CDC14A: variants seen among roughly 807,000 people sequenced by gnomAD.
The protein encoded by CDC14A is cell division cycle 14A, also known as dual specificity protein phosphatase CDC14A.
In CDC14A, 53 loss-of-function variants were observed where a neutral mutation model predicts 74.4. The observed-to-expected ratio is 0.71, with a 90% confidence interval of 0.57 to 0.89. CDC14A has a LOEUF of 0.89. CDC14A is among the 40% of genes least tolerant of loss of function. The pLI is 0.00. For synonymous variants in CDC14A, 247 were observed against 258.4 expected, an observed-to-expected ratio of 0.96 and a Z score of 0.43; for missense variants, 646 against 713.7, an observed-to-expected ratio of 0.91 and a Z score of 1.08.
chr1:100,450,389 C>G (rs1666013595), intron 7 of CDC14A, among the ~76,000 whole-genome samples: 1 of 152,144 alleles, frequency 6.6e-6, no homozygotes, highest in Admixed American at 6.5e-5. Context: ...GGTCTGCCTT[C>G]TTTACATGTT....
intron 4 of CDC14A, among the ~76,000 whole-genome samples, chr1:100,403,959 C>T (rs778009677): frequency 6.6e-6 from 1 of 152,100 alleles, no homozygotes; most frequent in Non-Finnish European, 1.5e-5. Context: ...TAAGGGTTTT[C>T]TTGATTGAAT....
chr1:100,438,391 A>G (rs1233289196), intron 5 of CDC14A, among the ~76,000 whole-genome samples: 1 of 152,206 alleles, frequency 6.6e-6, no homozygotes, highest in Admixed American at 6.5e-5. Flanking sequence ...TCCATGGCAC[A>G]GAGACTCTGA....
At chr1:100,451,556 A>G (rs1347436221) in intron 7 of CDC14A, among the ~76,000 whole-genome samples, 1 of 152,252 alleles carries the variant, frequency 6.6e-6, no homozygotes, top group Non-Finnish European at 1.5e-5. Flanking sequence ...TATGTAATAC[A>G]ACTATACTGT....
In CDC14A at chr1:100,371,155, T is replaced by C. The variant is rs189669549; in HGVS notation, c.141-6391T>C. Among the ~76,000 whole-genome samples, 1,166 of 152,344 alleles carry C rather than the reference T, an allele frequency of 7.7e-3. 3 individuals are homozygous for C. The highest frequency in any genetic ancestry group is 0.012 in the Non-Finnish European group (836 of 68,016). On this transcript the variant is annotated intron_variant, in intron 2 of 15. Coordinates refer to ENST00000336454, the MANE Select transcript of CDC14A (RefSeq NM_003672.4). Reference sequence around the variant, plus strand: ...CTGATTTTTGTACATGAATTTTGTATCCTGAAACCTTATTGAAGTTGTTTA... The same window carrying C: ...CTGATTTTTGTACATGAATTTTGTACCCTGAAACCTTATTGAAGTTGTTTA...
At chr1:100,481,868 T>G (rs1185788478) in intron 10 of CDC14A, among the ~76,000 whole-genome samples, 1 of 152,224 alleles carries the variant, frequency 6.6e-6, no homozygotes, top group East Asian at 1.9e-4. Flanking sequence ...TAAAAATACA[T>G]GTTTTACTTC....
In CDC14A at chr1:100,358,952, A is replaced by G. The variant is rs531369558; in HGVS notation, c.140+5100A>G. Among the ~76,000 whole-genome samples, 132 of 152,348 alleles carry G rather than the reference A, an allele frequency of 8.7e-4. 1 individual carries two copies. The highest frequency in any genetic ancestry group is 1.6e-3 in the Non-Finnish European group (106 of 68,032). ...TTTTATTTCAAATTAAATGTATAGC[A>G]AGTAGGATAATTTAATGGAAGGTTG... On this transcript the variant is annotated intron_variant, in intron 2 of 15. Coordinates refer to ENST00000336454, the MANE Select transcript of CDC14A (RefSeq NM_003672.4).
intron 2 of CDC14A, among the ~76,000 whole-genome samples, chr1:100,360,124 T>TC (rs1652523611): frequency 6.7e-6 from 1 of 149,332 alleles, no homozygotes; most frequent in Non-Finnish European, 1.5e-5. Flanking sequence ...TTTTTTTTTT[T>TC]TTGTATTTTT....
intron 10 of CDC14A, among the ~76,000 whole-genome samples, chr1:100,480,651 A>G (rs1669357823): frequency 1.3e-5 from 2 of 152,196 alleles, no homozygotes; most frequent in Non-Finnish European, 2.9e-5. Flanking sequence ...TATCCTTACC[A>G]TGAATGGTTT....
rs553223858 is a variant in CDC14A, at chr1:100,481,272, C to T, written c.978-3020C>T. ...TGACCAAACAGTGGCTTTGGATGGA[C>T]TTTGGGGTCAGGGTTGAGTTTTTTG... On this transcript the variant is annotated intron_variant, in intron 10 of 15. Transcript: ENST00000336454. Among the ~76,000 whole-genome samples the T allele has an allele frequency of 2.8e-4, 42 of 152,212 alleles. No homozygotes were observed. The South Asian group carries it at 3.9e-3, about 14-fold the overall frequency.
intron 2 of CDC14A, among the ~76,000 whole-genome samples, chr1:100,365,500 C>T (rs1167749771): frequency 1.3e-5 from 2 of 152,192 alleles, no homozygotes; most frequent in Non-Finnish European, 2.9e-5. Context: ...CCATCTAATT[C>T]AGTGGCTTCA....
intron 15 of CDC14A, among the ~76,000 whole-genome samples, chr1:100,507,836 C>T (rs1173687139): frequency 1.3e-5 from 2 of 151,996 alleles, no homozygotes; most frequent in African/African-American, 2.4e-5. Flanking sequence ...TGCACCACCA[C>T]GCCTGGCTAA....
Position 100,381,319 on chromosome 1 carries a change from C to T in CDC14A, c.216+3698C>T, listed in dbSNP as rs12066479. Among the ~76,000 whole-genome samples the T allele has an allele frequency of 2.9e-3, 443 of 152,296 alleles. 6 individuals carry two copies. The highest frequency in any genetic ancestry group is 9.6e-3 in the African/African-American group (398 of 41,562). On this transcript the variant is annotated intron_variant, in intron 3 of 15. Transcript: ENST00000336454. ...TACTCTACCGAAACTGCTCTAATAACGTCTTAAATGCTGAATCTGATGGCA... is the reference window on the plus strand; with the variant it reads ...TACTCTACCGAAACTGCTCTAATAATGTCTTAAATGCTGAATCTGATGGCA...
chr1:100,506,251 T>C (rs1178917098), intron 15 of CDC14A, among the ~76,000 whole-genome samples: 1 of 152,214 alleles, frequency 6.6e-6, no homozygotes, highest in East Asian at 1.9e-4. Context: ...TCTATCCTCT[T>C]GTTGTATATT....
intron 2 of CDC14A, among the ~76,000 whole-genome samples, chr1:100,360,400 G>A (rs1484747013): frequency 2.0e-5 from 3 of 151,162 alleles, no homozygotes; most frequent in Non-Finnish European, 2.9e-5. Flanking sequence ...CTGGAGTGCA[G>A]TGGGGCAATC....
intron 10 of CDC14A, among the ~76,000 whole-genome samples, chr1:100,479,130 AC>A (rs1669202756): frequency 6.6e-6 from 1 of 152,202 alleles, no homozygotes; most frequent in Non-Finnish European, 1.5e-5. Flanking sequence ...TAATAGTTAA[AC>A]CATTGCTTTT....
chr1:100,352,920 C>A lies in CDC14A; in HGVS notation c.-35C>A. ...GGGGGCGAGTGACTTCAGCTGGCCACGACCCAGCCCTCCCCCGTGCGTATC... is the reference window on the plus strand; with the variant it reads ...GGGGGCGAGTGACTTCAGCTGGCCAAGACCCAGCCCTCCCCCGTGCGTATC... On this transcript the variant is annotated 5_prime_UTR_variant, in exon 1 of 16. Transcript: ENST00000336454. 3 of 1,613,266 alleles carry A rather than the reference C, an allele frequency of 1.9e-6. No homozygotes were observed. The highest frequency in any genetic ancestry group is 2.5e-6 in the Non-Finnish European group (3 of 1,179,878).
chr1:100,466,784 C>T (rs985440310), intron 9 of CDC14A, among the ~76,000 whole-genome samples: 9 of 149,780 alleles, frequency 6.0e-5, no homozygotes, highest in East Asian at 6.0e-4. Flanking sequence ...GCAGGAGAAT[C>T]GCTTGAACCT....
At chr1:100,383,770 A>G (rs1036053378) in intron 3 of CDC14A, 2 of 152,274 alleles carry the variant, frequency 1.3e-5, no homozygotes. Flanking sequence ...CATATTATCC[A>G]GGCTGCATTA....
In CDC14A at chr1:100,354,205, G is replaced by A. The variant is rs144258575; in HGVS notation, c.140+353G>A. Among the ~76,000 whole-genome samples, 348 of 152,264 alleles carry A rather than the reference G, an allele frequency of 2.3e-3. 8 individuals are homozygous for A. Among genetic ancestry groups the A allele is most frequent in the Non-Finnish European group, 3.1e-4 (21 of 68,032 alleles). On this transcript the variant is annotated intron_variant, in intron 2 of 15. Transcript: ENST00000336454. ...TCAGTCACTAAGTATTTATGGAGTGGCCATAGGGTACAGGGCAGTGCATGT... is the reference window on the plus strand; with the variant it reads ...TCAGTCACTAAGTATTTATGGAGTGACCATAGGGTACAGGGCAGTGCATGT...
Sources: allele counts gnomAD v4.1 joint callset (sites outside exome capture counted in the v4.1 genomes callset), GRCh38; gene constraint gnomAD v4.1.1; transcripts MANE v1.5; gene names NCBI Gene and HGNC (gene_info 2026-07-23, HGNC 2026-07-21).